Variants in GBA2 observed in about 807,000 individuals in gnomAD.
GBA2 encodes glucosylceramidase beta 2, also known as non-lysosomal glucosylceramidase.
Under a neutral mutation model 112.9 loss-of-function variants are expected in GBA2, and 79 were observed. The observed-to-expected ratio is 0.70, with a 90% CI of 0.58 to 0.84. The LOEUF (loss-of-function observed/expected upper bound fraction) is 0.84. GBA2 is among the 40% of genes least tolerant of loss of function. GBA2 has a pLI of 0.00. For synonymous variants in GBA2, 403 were observed against 434.3 expected (o/e 0.93, Z 0.90); for missense variants, 1,043 against 1,190.0 (o/e 0.88, Z 1.82).
chr9:35,739,890 A>G (rs1169747907), intron 8 of GBA2, 90 bp from the exon 9 acceptor site: 7 of 1,539,004 alleles, frequency 4.5e-6, no homozygotes, highest in Non-Finnish European at 6.3e-6. Context: ...GGATCATCAA[A>G]TGAATCCCAG....
chr9:35,741,803 A>G lies in GBA2; in HGVS notation c.655T>C (p.Trp219Arg). Residue 219 changes from tryptophan (W) to arginine (R), a missense_variant, in exon 4 of 17, where the codon TGG (tryptophan) becomes CGG (arginine). Physicochemically the swap from Trp to Arg is moderately radical, Grantham distance 101. Transcript: ENST00000378103. This position sits in a 1 kb window ranked among gnomAD's most constrained non-coding sequence, Gnocchi z 4.6. ...AAAGCAAAGTACCCACACAGGCCCC[A>G]GTTCCAGCTGCGGAGGACACTTGGG... is the stretch of plus-strand genomic sequence containing the variant. ...ERPSVLRSWN[W>R]GLCGYFAFYH... is the part of the protein sequence containing the mutation. 1.2e-6 allele frequency: 2 copies of G among 1,613,782 alleles called. No homozygotes were observed. Among genetic ancestry groups the G allele is most frequent in the Non-Finnish European group, 1.7e-6 (2 of 1,179,672 alleles).
In GBA2 at chr9:35,737,183, G is replaced by A. The variant is rs1386781119; in HGVS notation, c.2770C>T (p.Leu924=). ...GTTCAGACGGCTCACTCTGGGCTCA[G>A]GTTTGCCATGGCTTCCTTTGGTCCA... ...MFGPKEAMAN[L]SPE The change falls in exon 17 of 17, where the codon CTG becomes TTG. Residue 924 remains leucine, a synonymous_variant. Transcript: ENST00000378103. The surrounding 1 kb of genome is among the most constrained non-coding windows in gnomAD (Gnocchi z 4.1). 1.2e-6 allele frequency: 2 copies of A among 1,606,974 alleles called. No homozygotes were observed. Among genetic ancestry groups the A allele is most frequent in the Non-Finnish European group, 1.7e-6 (2 of 1,179,608 alleles).
At chr9:35,743,672 G>C (rs971045783) in intron 3 of GBA2, among the ~76,000 whole-genome samples, 1 of 152,224 alleles carries the variant, frequency 6.6e-6, no homozygotes, top group African/African-American at 2.4e-5. Context: ...ACTAGAGAGA[G>C]ATGATGAGAG....
At chr9:35,742,900 C>T (rs1826775051) in intron 3 of GBA2, among the ~76,000 whole-genome samples, 1 of 152,184 alleles carries the variant, frequency 6.6e-6, no homozygotes, top group South Asian at 2.1e-4. Flanking sequence ...AGTTCCACAT[C>T]AGTGGATTCA....
chr9:35,736,964 G>T lies in GBA2; in HGVS notation c.*205C>A. 2 of 844,270 alleles carry T rather than the reference G, an allele frequency of 2.4e-6. No individual in the cohort carries two copies. Among genetic ancestry groups the T allele is most frequent in the East Asian group, 2.7e-5 (1 of 37,484 alleles). The allele number at this position is 844,270 out of a possible 1,614,324, so 52.3% of individuals were successfully genotyped here. A position where few individuals can be genotyped will look rare whatever the true frequency, so the allele number is the denominator to read the frequency against. Reference sequence around the variant, plus strand: ...TCCCTGAACATTTCACGCAGTCAGGGAACAGGTGAGGAAAGAAATAAATAA... The same window carrying T: ...TCCCTGAACATTTCACGCAGTCAGGTAACAGGTGAGGAAAGAAATAAATAA... On this transcript the variant is annotated 3_prime_UTR_variant, in exon 17 of 17. Transcript: ENST00000378103.
chr9:35,745,337 C>A (rs1826918466), intron 1 of GBA2, among the ~76,000 whole-genome samples: 1 of 152,020 alleles, frequency 6.6e-6, no homozygotes, highest in African/African-American at 2.4e-5. Flanking sequence ...GTTAGCCAGG[C>A]TGGTCTTGAA....
In GBA2 at chr9:35,739,809, CGAG is replaced by C; in HGVS notation, c.1410-12_1410-10del. ...ACCAGGCAGGCAGTGATCTGGGAAG[CGAG>C]GAGGAGGAAATGGTTTAAGGAACAT... On this transcript the variant is annotated splice_polypyrimidine_tract_variant and intron_variant, in intron 8 of 16. Transcript: ENST00000378103. 1.2e-6 allele frequency: 2 copies of C among 1,612,842 alleles called. No homozygotes were observed. Among genetic ancestry groups the C allele is most frequent in the Non-Finnish European group, 1.7e-6 (2 of 1,179,088 alleles).
intron 3 of GBA2, among the ~76,000 whole-genome samples, chr9:35,742,514 T>G (rs1826749887): frequency 6.6e-6 from 1 of 152,218 alleles, no homozygotes; most frequent in Admixed American, 6.5e-5. Context: ...TGTGCCCCCC[T>G]CCCCTTCTAT....
chr9:35,741,677 A>G lies in GBA2; in HGVS notation c.781T>C (p.Tyr261His). Residue 261 changes from tyrosine to histidine, a missense_variant, in exon 4 of 17, where the codon TAC (tyrosine) becomes CAC (histidine). Physicochemically the swap from Tyr to His is moderately conservative, Grantham distance 83. Coordinates refer to ENST00000378103, the MANE Select transcript of GBA2 (RefSeq NM_020944.3). The surrounding 1 kb of genome is among the most constrained non-coding windows in gnomAD (Gnocchi z 4.6). ...TACAGATGTGGGGGCCTCACCTGGTAGTCATGGGGCAAGATGGGTGTGATC... is the reference window on the plus strand; with the variant it reads ...TACAGATGTGGGGGCCTCACCTGGTGGTCATGGGGCAAGATGGGTGTGATC... ...RQITPILPHD[Y>H]QDSSLPVGVF... 1 of 1,591,896 alleles carries G rather than the reference A, an allele frequency of 6.3e-7. No individual in the cohort carries two copies. Among genetic ancestry groups the G allele is most frequent in the Non-Finnish European group, 8.6e-7 (1 of 1,159,766 alleles).
chr9:35,747,148 C>A (rs570144965), intron 1 of GBA2, among the ~76,000 whole-genome samples: 1 of 152,164 alleles, frequency 6.6e-6, no homozygotes. Context: ...CAGTACCCCC[C>A]ACTCTATCCT....
In GBA2 at chr9:35,738,986, T is replaced by C; in HGVS notation, c.1795+16A>G. The C allele has an allele frequency of 1.2e-6, 2 of 1,608,498 alleles. No individual in the cohort carries two copies. The highest frequency in any genetic ancestry group is 8.5e-7 in the Non-Finnish European group (1 of 1,175,242). On this transcript the variant is annotated intron_variant, in intron 11 of 16. Coordinates refer to ENST00000378103, the MANE Select transcript of GBA2 (RefSeq NM_020944.3). ...AAAGTTGAGGGAGGGAAGCTGACCT[T>C]GGGGTGGACTTTTACCTGGGTCCCC...
At position 35,736,938 on chromosome 9, in the gene GBA2, C is replaced by T. The variant is rs914269576; in HGVS notation, c.*231G>A. ...AATGTACCTGGGGAAATCAACTGACCTCCCTGAACATTTCACGCAGTCAGG... is the reference window on the plus strand; with the variant it reads ...AATGTACCTGGGGAAATCAACTGACTTCCCTGAACATTTCACGCAGTCAGG... On this transcript the variant is annotated 3_prime_UTR_variant, in exon 17 of 17. Coordinates refer to ENST00000378103, the MANE Select transcript of GBA2 (RefSeq NM_020944.3). 4.0e-6 allele frequency: 3 copies of T among 756,088 alleles called. No individual in the cohort carries two copies. Among genetic ancestry groups the T allele is most frequent in the Non-Finnish European group, 6.3e-6 (3 of 478,462 alleles). The allele number at this position is 756,088 out of a possible 1,614,324, so 46.8% of individuals were successfully genotyped here.
Position 35,741,340 on chromosome 9 carries a change from T to TG in GBA2, c.787-277dup, listed in dbSNP as rs1216787529. ...CATGCAGTTTCTTTTTTTTTTTTTTTGGGGGGTGCGGTGGCGCAATCTCGG... is the reference window on the plus strand; with the variant it reads ...CATGCAGTTTCTTTTTTTTTTTTTTTGGGGGGGTGCGGTGGCGCAATCTCGG... On this transcript the variant is annotated intron_variant, in intron 4 of 16. Coordinates refer to ENST00000378103, the MANE Select transcript of GBA2 (RefSeq NM_020944.3). The surrounding 1 kb of genome is among the most constrained non-coding windows in gnomAD (Gnocchi z 4.6). 2.0e-4 allele frequency: 94 copies of TG among 465,044 alleles called. No homozygotes were observed. The highest frequency in any genetic ancestry group is 8.7e-4 in the African/African-American group (44 of 50,494). 28.8% of individuals were successfully genotyped at this position (465,044 alleles called of 1,614,324 possible).
Position 35,739,360 on chromosome 9 carries a change from T to C in GBA2, c.1642A>G (p.Ile548Val), listed in dbSNP as rs1826485961. 1 of 1,613,830 alleles carries C rather than the reference T, an allele frequency of 6.2e-7. No homozygotes were observed. Among genetic ancestry groups the C allele is most frequent in the East Asian group, 2.2e-5 (1 of 44,878 alleles). The change falls in exon 10 of 17, where the codon ATC (isoleucine) becomes GTC (valine). Residue 548 changes from isoleucine (I) to valine (V), a missense_variant. Physicochemically the swap from Ile to Val is conservative, Grantham distance 29. Coordinates refer to ENST00000378103, the MANE Select transcript of GBA2 (RefSeq NM_020944.3). ...DVHFYASFAL[I>V]MLWPKLELSL... Reference sequence around the variant, plus strand: ...AGCTCAAGTTTGGGCCAGAGCATGATGAGGGCAAAGGAAGCATAAAAGTGG... The same window carrying C: ...AGCTCAAGTTTGGGCCAGAGCATGACGAGGGCAAAGGAAGCATAAAAGTGG...
In GBA2 at chr9:35,737,923, T is replaced by C. The variant is rs1008414642; in HGVS notation, c.2330A>G (p.His777Arg). The C allele has an allele frequency of 6.2e-7, 1 of 1,611,498 alleles. No individual in the cohort carries two copies. The highest frequency in any genetic ancestry group is 2.2e-5 in the East Asian group (1 of 44,844). Reference protein sequence around the residue: ...EGDTEVFPTQHVVRALQTIFE... With the variant: ...EGDTEVFPTQRVVRALQTIFE... The stretch of plus-strand genomic sequence containing the variant: ...GATAGTTTGGAGAGCACGGACCACA[T>C]GTTGGGTAGGAAACACCTGGAGGGG... The change falls in exon 16 of 17, where the codon CAT becomes CGT. Residue 777 changes from histidine (H) to arginine (R), a missense_variant. By Grantham distance (29) the His-to-Arg change is conservative. Transcript: ENST00000378103. The surrounding 1 kb of genome is among the most constrained non-coding windows in gnomAD (Gnocchi z 4.1).
At chr9:35,738,403 G>A in intron 13 of GBA2, 29 bp from the exon 14 acceptor site, 1 of 1,610,300 alleles carries the variant, frequency 6.2e-7, no homozygotes, top group Non-Finnish European at 8.5e-7. Flanking sequence ...TTGGGGGTCA[G>A]ACTGGCAGCT....
intron 3 of GBA2, among the ~76,000 whole-genome samples, chr9:35,743,684 C>T (rs1826824869): frequency 6.6e-6 from 1 of 152,110 alleles, no homozygotes; most frequent in African/African-American, 2.4e-5. Context: ...TGATGAGAGG[C>T]AGGACACATA....
In GBA2 at chr9:35,737,731, G is replaced by C. The variant is rs1826314084; in HGVS notation, c.2505+17C>G. On this transcript the variant is annotated intron_variant, in intron 16 of 16. Coordinates refer to ENST00000378103, the MANE Select transcript of GBA2 (RefSeq NM_020944.3). The surrounding 1 kb of genome is among the most constrained non-coding windows in gnomAD (Gnocchi z 4.1). ...CAGGATACAGATGGTGGAGAGATGGGAAAAGGAGTGCATTACCTCTTGGAT... is the reference window on the plus strand; with the variant it reads ...CAGGATACAGATGGTGGAGAGATGGCAAAAGGAGTGCATTACCTCTTGGAT... 6.2e-7 allele frequency: 1 copy of C among 1,612,930 alleles called. No homozygotes were observed. The highest frequency in any genetic ancestry group is 2.2e-5 in the East Asian group (1 of 44,882).
In GBA2 at chr9:35,738,307, C is replaced by T. The variant is rs1483562952; in HGVS notation, c.2122G>A (p.Ala708Thr). 4 of 1,614,006 alleles carry T rather than the reference C, an allele frequency of 2.5e-6. No individual in the cohort carries two copies. In the South Asian group the frequency reaches 4.4e-5, roughly 18 times the overall value. Residue 708 changes from alanine to threonine, a missense_variant, in exon 14 of 17, where the codon GCA (alanine) becomes ACA (threonine). Transcript: ENST00000378103. ...GAAAACTTATCCTGGATGTCCTGTGCCCCACACAGAGCAGCCATCTGGACC... is the reference window on the plus strand; with the variant it reads ...GAAAACTTATCCTGGATGTCCTGTGTCCCACACAGAGCAGCCATCTGGACC... ...VMVQMAALCG[A>T]QDIQDKFSSI... is the part of the protein sequence containing the mutation.
Sources: gnomAD v4.1 joint callset for allele counts (sites outside exome capture counted in the v4.1 genomes callset) on GRCh38, gnomAD v4.1.1 for gene constraint, Gnocchi (gnomAD v3.1) non-coding constraint, MANE v1.5 for transcripts, NCBI Gene and HGNC (gene_info 2026-07-23, HGNC 2026-07-21) for gene names.